Variants in MAD1L1 observed in about 807,000 individuals in gnomAD.
The protein encoded by MAD1L1 is mitotic arrest deficient 1 like 1.
A neutral mutation model predicts 96.9 loss-of-function variants in MAD1L1; 95 were observed. The ratio of observed to expected loss-of-function variants is 0.98; its 90% CI spans 0.83 to 1.16. MAD1L1 has a LOEUF of 1.16. Among genes scored for constraint, MAD1L1 ranks in the 50% most tolerant of loss-of-function variants. MAD1L1 has a pLI of 0.00. For synonymous variants in MAD1L1, 473 were observed against 396.6 expected, an observed-to-expected ratio of 1.19 and a Z score of -2.29; for missense variants, 1,007 against 954.4, an observed-to-expected ratio of 1.06 and a Z score of -0.73.
intron 11 of MAD1L1, among the ~76,000 whole-genome samples, chr7:2,122,939 C>T (rs1319817327): frequency 6.6e-6 from 1 of 152,206 alleles, no homozygotes; most frequent in East Asian, 1.9e-4. Flanking sequence ...CCCATCCTGC[C>T]CTGGTAGAGA....
intron 17 of MAD1L1, among the ~76,000 whole-genome samples, chr7:1,916,505 G>A (rs1788404775): frequency 6.6e-6 from 1 of 152,026 alleles, no homozygotes; most frequent in African/African-American, 2.4e-5. Context: ...AGAGGAGCAA[G>A]TCACACGCCA....
intron 12 of MAD1L1, among the ~76,000 whole-genome samples, chr7:2,053,327 G>A (rs1235754956): frequency 6.6e-6 from 1 of 152,170 alleles, no homozygotes; most frequent in African/African-American, 2.4e-5. Context: ...GGGCAGGTGA[G>A]GCAGAGGCAG....
chr7:2,079,335 C>T (rs926739657), intron 11 of MAD1L1, among the ~76,000 whole-genome samples: 2 of 152,180 alleles, frequency 1.3e-5, no homozygotes, highest in Non-Finnish European at 2.9e-5. Context: ...TTAAATGCCT[C>T]CAAGTGTCAA....
intron 10 of MAD1L1, among the ~76,000 whole-genome samples, chr7:2,196,960 G>A (rs2114941955): frequency 6.6e-6 from 1 of 152,346 alleles, no homozygotes; most frequent in African/African-American, 2.4e-5. Flanking sequence ...GCAGGGTCCT[G>A]CCAAGGCGCC....
At chr7:1,854,729 C>G (rs1293485041) in intron 18 of MAD1L1, among the ~76,000 whole-genome samples, 1 of 152,194 alleles carries the variant, frequency 6.6e-6, no homozygotes, top group Non-Finnish European at 1.5e-5. Flanking sequence ...CCTTCTCCAC[C>G]CCAGCAGCCC....
rs60466584 is a variant in MAD1L1 at position 2,038,498 on chromosome 7, C to CTTTTTTTTTT, written c.1219-23866_1219-23857dup. 6.9e-3 allele frequency among the ~76,000 whole-genome samples: 643 copies of CTTTTTTTTTT among 92,864 alleles called. 59 individuals carry two copies. Among genetic ancestry groups the CTTTTTTTTTT allele is most frequent in the Middle Eastern group, 0.019 (3 of 162 alleles). The allele number at this position is 92,864 out of a possible 152,430, so 60.9% of individuals were successfully genotyped here. A position where few individuals can be genotyped will look rare whatever the true frequency, so the allele number is the denominator to read the frequency against. On this transcript the variant is annotated intron_variant, in intron 12 of 18. Transcript: ENST00000265854. ...TGTTAGGAGATAATGAAGCTGATGACTTTTTTTTTTTTTTTTTTTTTTTTT... is the reference window on the plus strand; with the variant it reads ...TGTTAGGAGATAATGAAGCTGATGACTTTTTTTTTTTTTTTTTTTTTTTTTTTTTTTTTTT...
chr7:1,939,194 TCACACACA>T (rs67150262), intron 16 of MAD1L1, among the ~76,000 whole-genome samples: 1 of 125,520 alleles, frequency 8.0e-6, no homozygotes, highest in Non-Finnish European at 1.6e-5. Flanking sequence ...CCAGAGGCGC[TCACACACA>T]CACACACACA....
intron 10 of MAD1L1, among the ~76,000 whole-genome samples, chr7:2,163,465 C>G (rs940020703): frequency 6.6e-6 from 1 of 152,164 alleles, no homozygotes; most frequent in African/African-American, 2.4e-5. Context: ...CCTCTGCCCC[C>G]CCGGTTCAAG....
At chr7:2,120,628 G>A (rs1398427893) in intron 11 of MAD1L1, among the ~76,000 whole-genome samples, 2 of 152,262 alleles carry the variant, frequency 1.3e-5, no homozygotes, top group African/African-American at 2.4e-5. Context: ...GCCAGGAACT[G>A]TGTCTTCTGT....
chr7:1,900,914 G>A (rs967404481), intron 17 of MAD1L1, among the ~76,000 whole-genome samples: 6 of 152,194 alleles, frequency 3.9e-5, no homozygotes, highest in African/African-American at 1.2e-4. Flanking sequence ...GGGCGAGGAA[G>A]GCAGTGTGTG....
intron 11 of MAD1L1, among the ~76,000 whole-genome samples, chr7:2,080,718 G>A (rs374235920): frequency 1.2e-4 from 19 of 152,326 alleles, no homozygotes; most frequent in East Asian, 3.9e-4. Flanking sequence ...GCACAGGGCC[G>A]TGCATTCAGA....
intron 10 of MAD1L1, among the ~76,000 whole-genome samples, chr7:2,169,450 G>T (rs35324681): frequency 6.6e-6 from 1 of 151,972 alleles, no homozygotes; most frequent in African/African-American, 2.4e-5. Context: ...AACATAAATT[G>T]TTCTTTACTT....
intron 16 of MAD1L1, among the ~76,000 whole-genome samples, chr7:1,942,507 C>G (rs1297473252): frequency 6.6e-6 from 1 of 152,222 alleles, no homozygotes; most frequent in East Asian, 1.9e-4. Context: ...TGAGGCCCGT[C>G]TCCAGGGCAG....
At chr7:1,888,634 G>A (rs1186856909) in intron 18 of MAD1L1, among the ~76,000 whole-genome samples, 1 of 152,108 alleles carries the variant, frequency 6.6e-6, no homozygotes, top group African/African-American at 2.4e-5. Context: ...ATGCGTGCAT[G>A]TGGATGCCTG....
intron 11 of MAD1L1, among the ~76,000 whole-genome samples, chr7:2,071,493 G>A (rs561919146): frequency 4.1e-4 from 63 of 152,318 alleles, no homozygotes; most frequent in Non-Finnish European, 6.0e-4. Flanking sequence ...TAAAACCCTC[G>A]GGCTTTCCCG....
chr7:1,909,836 G>A (rs1270519718), intron 17 of MAD1L1, among the ~76,000 whole-genome samples: 1 of 152,226 alleles, frequency 6.6e-6, no homozygotes, highest in African/African-American at 2.4e-5. Flanking sequence ...GATGAGCCAT[G>A]AGTTCCCCTG....
At chr7:1,854,360 T>C in intron 18 of MAD1L1, 2 of 473,022 alleles carry the variant, frequency 4.2e-6, no homozygotes, top group South Asian at 3.1e-5. Flanking sequence ...TGGGGGAACC[T>C]ACCCTGTGGA....
chr7:2,204,991 C>T (rs1584543224), intron 10 of MAD1L1, among the ~76,000 whole-genome samples: 1 of 151,860 alleles, frequency 6.6e-6, no homozygotes, highest in East Asian at 1.9e-4. Flanking sequence ...TGGTATCTCA[C>T]TGCAGTCTTG....
At chr7:1,976,076 G>C (rs909521346) in intron 15 of MAD1L1, among the ~76,000 whole-genome samples, 3 of 152,198 alleles carry the variant, frequency 2.0e-5, no homozygotes, top group Admixed American at 6.5e-5. Context: ...GTTGAAAAAC[G>C]ATGCTATGTG....
Sources: gnomAD v4.1 joint callset for allele counts (sites outside exome capture counted in the v4.1 genomes callset) on GRCh38, gnomAD v4.1.1 for gene constraint, MANE v1.5 for transcripts, NCBI Gene and HGNC (gene_info 2026-07-23, HGNC 2026-07-21) for gene names.